PRMT3: variants seen among roughly 807,000 people sequenced by gnomAD.
PRMT3 encodes protein arginine N-methyltransferase 3.
In PRMT3, 62 loss-of-function variants were observed where a neutral mutation model predicts 71.9. The observed-to-expected ratio is 0.86, with a 90% confidence interval of 0.70 to 1.07. PRMT3 has a LOEUF of 1.07. Among genes scored for constraint, PRMT3 ranks in the 50% least tolerant of loss-of-function variants. The pLI is 0.00. For missense variants in PRMT3, 663 were observed against 643.0 expected (o/e 1.03, Z -0.34); for synonymous variants, 213 against 220.4 (o/e 0.97, Z 0.30).
chr11:20,478,910 A>G (rs16906327), intron 13 of PRMT3, among the ~76,000 whole-genome samples: 3,304 of 152,282 alleles, frequency 0.022, 123 homozygotes, highest in African/African-American at 0.074. Flanking sequence ...TTTTTGTTGT[A>G]AGTTGACCTA....
chr11:20,392,221 T>G lies in PRMT3; in HGVS notation c.258T>G (p.Phe86Leu). 1 of 1,570,512 alleles carries G rather than the reference T, an allele frequency of 6.4e-7. No individual in the cohort carries two copies. The highest frequency in any genetic ancestry group is 8.7e-7 in the Non-Finnish European group (1 of 1,151,814). The part of the protein sequence containing the change: ...DSMVHKHGLE[F>L]YGYIKLINFI... Reference sequence around the variant, plus strand: ...TTTTTCCCCCTTTAGGACTTGAATTTTATGGATACATTAAGCTAATAAATT... The same window carrying G: ...TTTTTCCCCCTTTAGGACTTGAATTGTATGGATACATTAAGCTAATAAATT... Residue 86 changes from phenylalanine (F) to leucine (L), a missense_variant, in exon 4 of 16, where the codon TTT (phenylalanine) becomes TTG (leucine). Phe to Leu is a conservative substitution (Grantham distance 22). Transcript: ENST00000331079.
chr11:20,388,877 C>A (rs1027779387), intron 2 of PRMT3, among the ~76,000 whole-genome samples: 2 of 152,178 alleles, frequency 1.3e-5, no homozygotes, highest in African/African-American at 4.8e-5. Flanking sequence ...GAAAGAGGCC[C>A]GGTTGGCATT....
At chr11:20,389,522 A>G (rs1848666593) in intron 2 of PRMT3, among the ~76,000 whole-genome samples, 1 of 152,204 alleles carries the variant, frequency 6.6e-6, no homozygotes, top group Non-Finnish European at 1.5e-5. Flanking sequence ...CATTTAAAGG[A>G]TAATTGGTTT....
intron 15 of PRMT3, among the ~76,000 whole-genome samples, chr11:20,497,920 C>T (rs1851369578): frequency 6.6e-6 from 1 of 152,074 alleles, no homozygotes; most frequent in African/African-American, 2.4e-5. Context: ...ACAATGGGTG[C>T]AGGAAAATGT....
rs74392516 is a variant in PRMT3 at position 20,473,157 on chromosome 11, G to A, written c.1347+8611G>A. Reference sequence around the variant, plus strand: ...TTTATTATCTAGCTAGCAGTCTATCGTATTAATTTTTTCAAAAAAACAGCT... The same window carrying A: ...TTTATTATCTAGCTAGCAGTCTATCATATTAATTTTTTCAAAAAAACAGCT... On this transcript the variant is annotated intron_variant, in intron 13 of 15. Transcript: ENST00000331079. 5.1e-3 allele frequency among the ~76,000 whole-genome samples: 768 copies of A among 151,710 alleles called. 5 individuals carry two copies. The highest frequency in any genetic ancestry group is 0.017 in the African/African-American group (701 of 41,400).
chr11:20,462,271 T>A, intron 12 of PRMT3, 104 bp downstream of exon 12: 1 of 919,538 alleles, frequency 1.1e-6, no homozygotes, highest in Non-Finnish European at 1.6e-6. Flanking sequence ...TTCAAAACAG[T>A]ACTTTTCCCA....
rs567362164 is a variant in PRMT3, at chr11:20,508,548, A to G, written c.*135A>G. On this transcript the variant is annotated 3_prime_UTR_variant, in exon 16 of 16. Transcript: ENST00000331079. ...TAATGAGCCTCCTCAATAAGAGAGA[A>G]GTTCTCATTGTGGGAATCTGACATA... 153 of 720,698 alleles carry G rather than the reference A, an allele frequency of 2.1e-4. No individual in the cohort carries two copies. The highest frequency in any genetic ancestry group is 3.5e-4 in the Non-Finnish European group (138 of 392,492). 44.6% of individuals were successfully genotyped at this position (720,698 alleles called of 1,614,324 possible). A position where few individuals can be genotyped will look rare whatever the true frequency, so the allele number is the denominator to read the frequency against.
chr11:20,470,105 A>G (rs941881854), intron 13 of PRMT3, among the ~76,000 whole-genome samples: 1 of 152,230 alleles, frequency 6.6e-6, no homozygotes, highest in Middle Eastern at 3.2e-3. Context: ...CCTAGGCTAT[A>G]TACTATAGCC....
At position 20,453,383 on chromosome 11, in the gene PRMT3, G is replaced by A. The variant is rs187905263; in HGVS notation, c.1072+1175G>A. On this transcript the variant is annotated intron_variant, in intron 11 of 15. Coordinates refer to ENST00000331079, the MANE Select transcript of PRMT3 (RefSeq NM_005788.4). ...CTTGGTGGCAGGTGCCTATAGTCCC[G>A]ACAGGAGAATTGCTTGAACCCGGGA... Among the ~76,000 whole-genome samples the A allele has an allele frequency of 2.4e-3, 358 of 147,374 alleles. 2 individuals carry two copies. The highest frequency in any genetic ancestry group is 3.4e-3 in the Non-Finnish European group (231 of 67,198).
In PRMT3 at chr11:20,452,215, A is replaced by G. The variant is rs540575522; in HGVS notation, c.1072+7A>G. ...TTGGCAAAAGGAGGCTCGGGTGAGT[A>G]TAAAATTCTGGTTTTAATAATCTAA... On this transcript the variant is annotated splice_region_variant and intron_variant, in intron 11 of 15. Coordinates refer to ENST00000331079, the MANE Select transcript of PRMT3 (RefSeq NM_005788.4). 13 of 1,589,834 alleles carry G rather than the reference A, an allele frequency of 8.2e-6. No individual in the cohort carries two copies. Among genetic ancestry groups the G allele is most frequent in the African/African-American group, 2.7e-5 (2 of 74,422 alleles).
rs1851275549 is a variant in PRMT3, at chr11:20,494,065, T to G, written c.1398+96T>G. The G allele has an allele frequency of 2.8e-6, 4 of 1,446,166 alleles. No homozygotes were observed. In the Admixed American group the frequency reaches 7.2e-5, roughly 26 times the overall value. 89.6% of individuals were successfully genotyped at this position (1,446,166 alleles called of 1,614,324 possible). Reference sequence around the variant, plus strand: ...AGGTGTTTAATCATAAGCATTTTGCTGCTGTAAGCAATTGGGGCTTGTGTT... The same window carrying G: ...AGGTGTTTAATCATAAGCATTTTGCGGCTGTAAGCAATTGGGGCTTGTGTT... On this transcript the variant is annotated intron_variant, in intron 14 of 15. Coordinates refer to ENST00000331079, the MANE Select transcript of PRMT3 (RefSeq NM_005788.4).
chr11:20,448,487 T>C (rs892472584), intron 10 of PRMT3, among the ~76,000 whole-genome samples: 6 of 152,130 alleles, frequency 3.9e-5, no homozygotes, highest in Non-Finnish European at 7.4e-5. Flanking sequence ...CAGGTAATCT[T>C]TAAGTATTTC....
At chr11:20,393,694 C>A (rs553173349) in intron 5 of PRMT3, 1 of 152,014 alleles carries the variant, frequency 6.6e-6, no homozygotes, top group Non-Finnish European at 1.5e-5. Context: ...TTACTGAATC[C>A]TCTTTTTTTC....
chr11:20,480,122 GTCAT>G (rs1178991749), intron 13 of PRMT3, among the ~76,000 whole-genome samples: 1 of 152,152 alleles, frequency 6.6e-6, no homozygotes, highest in Non-Finnish European at 1.5e-5. Flanking sequence ...GATCCATCTG[GTCAT>G]GGACATCAGA....
chr11:20,405,877 A>G (rs1031126218), intron 8 of PRMT3: 4 of 152,202 alleles, frequency 2.6e-5, no homozygotes, highest in Admixed American at 6.5e-5. Context: ...AAATACATTT[A>G]TAATGTCATG....
intron 15 of PRMT3, among the ~76,000 whole-genome samples, chr11:20,499,258 A>G (rs549658018): frequency 1.2e-3 from 176 of 152,328 alleles, no homozygotes; most frequent in African/African-American, 4.0e-3. Context: ...ATTTAAAATT[A>G]AACCACAAAC....
intron 13 of PRMT3, among the ~76,000 whole-genome samples, chr11:20,478,004 A>G (rs964924755): frequency 6.6e-6 from 1 of 152,114 alleles, no homozygotes; most frequent in Non-Finnish European, 1.5e-5. Context: ...TGACTGTGGC[A>G]TTTTTGCTAC....
intron 15 of PRMT3, among the ~76,000 whole-genome samples, chr11:20,504,744 G>C (rs1194643655): frequency 6.7e-6 from 1 of 148,666 alleles, no homozygotes; most frequent in East Asian, 2.0e-4. Flanking sequence ...GAGAGAGAGA[G>C]AGCGAGAGCG....
At chr11:20,437,035 A>G (rs1267165421) in intron 10 of PRMT3, among the ~76,000 whole-genome samples, 2 of 152,060 alleles carry the variant, frequency 1.3e-5, no homozygotes, top group Non-Finnish European at 2.9e-5. Context: ...CATTTCCTCT[A>G]GGTTTTCCAA....
Sources: allele counts gnomAD v4.1 joint callset (sites outside exome capture counted in the v4.1 genomes callset), GRCh38; gene constraint gnomAD v4.1.1; transcripts MANE v1.5; gene names NCBI Gene and HGNC (gene_info 2026-07-23, HGNC 2026-07-21).